SVEP1: variants seen among roughly 807,000 people sequenced by gnomAD.
SVEP1 encodes sushi, von Willebrand factor type A, EGF and pentraxin domain-containing protein 1.
In SVEP1, 164 loss-of-function variants were observed where a neutral mutation model predicts 367.3. The observed-to-expected ratio is 0.45, with a 90% CI of 0.39 to 0.51. The LOEUF is 0.51. Among genes scored for constraint, SVEP1 ranks in the 20% least tolerant of loss-of-function variants. The probability of loss-of-function intolerance (pLI) is 0.00; values close to 1 mark genes in which losing one functional copy is unlikely to be tolerated. For missense variants in SVEP1, 4,117 were observed against 4,425.3 expected (o/e 0.93, Z 1.98); for synonymous variants, 1,666 against 1,611.6 (o/e 1.03, Z -0.81).
In SVEP1 at chr9:110,446,031, A is replaced by G. The variant is rs371167443; in HGVS notation, c.4269T>C (p.Ser1423=). Residue 1423 remains serine, a synonymous_variant, in exon 26 of 48, where the codon TCT becomes TCC. Coordinates refer to ENST00000374469, the MANE Select transcript of SVEP1 (RefSeq NM_153366.4). ...CTTCAAAATCCAGGTTAAAGCCTGT[A>G]GACTGTTCTGCAATGAATAAGAAAA... ...FSGKRCETEQ[S]TGFNLDFEVS... 3 of 1,609,520 alleles carry G rather than the reference A, an allele frequency of 1.9e-6. No homozygotes were observed. The highest frequency in any genetic ancestry group is 2.5e-6 in the Non-Finnish European group (3 of 1,177,552).
At chr9:110,400,063 A>C (rs2118992509) in intron 40 of SVEP1, among the ~76,000 whole-genome samples, 1 of 152,282 alleles carries the variant, frequency 6.6e-6, no homozygotes, top group Admixed American at 6.5e-5. Context: ...CTCAGGAATG[A>C]AGTTGGTATT....
intron 36 of SVEP1, among the ~76,000 whole-genome samples, chr9:110,414,777 A>T (rs1310315879): frequency 1.3e-5 from 2 of 151,964 alleles, no homozygotes; most frequent in African/African-American, 4.9e-5. Flanking sequence ...GCCTTAAAAG[A>T]GCAGCCTACT....
intron 5 of SVEP1, 81 bp downstream of exon 5, chr9:110,512,845 A>G: frequency 1.3e-6 from 2 of 1,509,852 alleles, no homozygotes; most frequent in South Asian, 2.3e-5. Context: ...AGAAATGAAG[A>G]ACTGACTGGT....
At chr9:110,425,022 C>T (rs1698324836) in intron 36 of SVEP1, among the ~76,000 whole-genome samples, 1 of 152,106 alleles carries the variant, frequency 6.6e-6, no homozygotes, top group Non-Finnish European at 1.5e-5. Context: ...AAAATTTGGC[C>T]AGAAGAAATG....
intron 3 of SVEP1, among the ~76,000 whole-genome samples, chr9:110,543,933 C>T (rs1333830529): frequency 6.6e-6 from 1 of 152,092 alleles, no homozygotes; most frequent in Non-Finnish European, 1.5e-5. Context: ...CAACCCCCCA[C>T]CTTTTTTCTG....
intron 27 of SVEP1, chr9:110,442,461 C>CTTTTTTT (rs11290774): frequency 5.2e-5 from 7 of 133,468 alleles, no homozygotes; most frequent in African/African-American, 1.1e-4. Context: ...TTTCTTTTTT[C>CTTTTTTT]TTTTTTTTTT....
Position 110,406,951 on chromosome 9 carries a change from A to C in SVEP1, c.8649T>G (p.Thr2883=), listed in dbSNP as rs769069686. 1 of 1,613,706 alleles carries C rather than the reference A, an allele frequency of 6.2e-7. No individual in the cohort carries two copies. The change falls in exon 38 of 48, where the codon ACT becomes ACG. Residue 2883 remains threonine (T), a synonymous_variant. Coordinates refer to ENST00000374469, the MANE Select transcript of SVEP1 (RefSeq NM_153366.4). Reference sequence around the variant, plus strand: ...CACATCTGACAGGCACACAGTCGGGAGTGGCTCCACTCCAACTTCCATTGG... The same window carrying C: ...CACATCTGACAGGCACACAGTCGGGCGTGGCTCCACTCCAACTTCCATTGG... ...CLANGSWSGA[T]PDCVPVRCAT...
intron 47 of SVEP1, among the ~76,000 whole-genome samples, chr9:110,367,496 C>G (rs940577096): frequency 1.3e-5 from 2 of 152,152 alleles, no homozygotes; most frequent in Non-Finnish European, 2.9e-5. Context: ...CATTCAGTCT[C>G]GTAGGAGAGA....
At chr9:110,545,818 G>C (rs1055219862) in intron 3 of SVEP1, among the ~76,000 whole-genome samples, 3 of 152,142 alleles carry the variant, frequency 2.0e-5, no homozygotes, top group African/African-American at 7.2e-5. Context: ...TAGCCTGATG[G>C]AGTATGAGAG....
At chr9:110,572,839 G>A (rs1168538292) in intron 1 of SVEP1, among the ~76,000 whole-genome samples, 1 of 140,190 alleles carries the variant, frequency 7.1e-6, no homozygotes, top group African/African-American at 2.6e-5. Flanking sequence ...TTTTGCCTGG[G>A]AAATATATGT....
At chr9:110,492,695 A>G (rs1829387065) in intron 8 of SVEP1, among the ~76,000 whole-genome samples, 1 of 151,992 alleles carries the variant, frequency 6.6e-6, no homozygotes, top group Admixed American at 6.6e-5. Context: ...GGGGCAAGGA[A>G]TGGGGAGGAA....
intron 40 of SVEP1, among the ~76,000 whole-genome samples, chr9:110,398,808 C>G (rs1047825293): frequency 1.3e-5 from 2 of 152,150 alleles, no homozygotes; most frequent in African/African-American, 2.4e-5. Context: ...CCATCTCACA[C>G]CAGTTAGAAT....
At chr9:110,385,843 G>T (rs1827512619) in intron 43 of SVEP1, 55 bp downstream of exon 43, 2 of 1,561,252 alleles carry the variant, frequency 1.3e-6, no homozygotes, top group African/African-American at 1.4e-5. Context: ...ACCTCACAGG[G>T]ATGGGAAAAC....
intron 18 of SVEP1, among the ~76,000 whole-genome samples, chr9:110,461,048 C>T (rs1828850703): frequency 6.6e-6 from 1 of 152,090 alleles, no homozygotes; most frequent in Admixed American, 6.5e-5. Context: ...TATTTTTAAC[C>T]TTTCACTGTC....
chr9:110,512,581 A>G (rs1156352502), intron 5 of SVEP1, among the ~76,000 whole-genome samples: 1 of 152,160 alleles, frequency 6.6e-6, no homozygotes, highest in Admixed American at 6.5e-5. Flanking sequence ...CTTAAGTCCT[A>G]CAATTCCAAG....
In SVEP1 at chr9:110,513,030, G is replaced by A; in HGVS notation, c.1199C>T (p.Ala400Val). The change falls in exon 5 of 48, where the codon GCA (alanine) becomes GTA (valine). Residue 400 changes from alanine to valine, a missense_variant. Coordinates refer to ENST00000374469, the MANE Select transcript of SVEP1 (RefSeq NM_153366.4). ...AGGGTGACATCGGACCCCACAGGCT[G>A]CATTGAAGTGGTTGTTGCAAGTGTT... ...IQNTCNNHFNAACGVRCHPGF... is the reference protein window; with the variant it reads ...IQNTCNNHFNVACGVRCHPGF... 3 of 1,614,038 alleles carry A rather than the reference G, an allele frequency of 1.9e-6. No individual in the cohort carries two copies. The highest frequency in any genetic ancestry group is 2.5e-6 in the Non-Finnish European group (3 of 1,179,884).
chr9:110,372,386 G>A (rs1441222468), intron 46 of SVEP1, among the ~76,000 whole-genome samples: 1 of 152,160 alleles, frequency 6.6e-6, no homozygotes, highest in Admixed American at 6.6e-5. Context: ...TGTTTTATAT[G>A]GTTGTGGTAT....
intron 1 of SVEP1, among the ~76,000 whole-genome samples, chr9:110,570,418 A>C (rs1394646269): frequency 6.6e-6 from 1 of 151,674 alleles, no homozygotes; most frequent in Non-Finnish European, 1.5e-5. Flanking sequence ...ATTTCATATT[A>C]TTTAGAAGCT....
rs371565088 is a variant in SVEP1, at chr9:110,429,189, G to T, written c.5761C>A (p.Leu1921Ile). Residue 1921 changes from leucine to isoleucine, a missense_variant, in exon 35 of 48, where the codon CTT becomes ATT. Physicochemically the swap from Leu to Ile is conservative, Grantham distance 5 (BLOSUM62 2). Coordinates refer to ENST00000374469, the MANE Select transcript of SVEP1 (RefSeq NM_153366.4). Reference protein sequence around the residue: ...INNGKYILSGLTYLSTASYSC... With the variant: ...INNGKYILSGITYLSTASYSC... Reference sequence around the variant, plus strand: ...TATGATGCAGTAGAAAGGTAGGTAAGCCCACTCAAAATATATTTTCCATTA... The same window carrying T: ...TATGATGCAGTAGAAAGGTAGGTAATCCCACTCAAAATATATTTTCCATTA... 25 of 1,599,256 alleles carry T rather than the reference G, an allele frequency of 1.6e-5. No homozygotes were observed. In the Admixed American group the frequency reaches 4.3e-4, roughly 28 times the overall value.
Sources: allele counts gnomAD v4.1 joint callset (sites outside exome capture counted in the v4.1 genomes callset), GRCh38; gene constraint gnomAD v4.1.1; transcripts MANE v1.5; gene names NCBI Gene and HGNC (gene_info 2026-07-23, HGNC 2026-07-21).